LRBA: variants seen among roughly 807,000 people sequenced by gnomAD.
LRBA encodes lipopolysaccharide-responsive and beige-like anchor protein.
LRBA carries 176 observed loss-of-function variants against 330.0 expected under a neutral mutation model. The ratio of observed to expected loss-of-function variants is 0.53; its 90% CI spans 0.47 to 0.60. The LOEUF (loss-of-function observed/expected upper bound fraction) is 0.60. Among genes scored for constraint, LRBA ranks in the 20% least tolerant of loss-of-function variants. LRBA has a pLI of 0.00. For synonymous variants in LRBA, 1,230 were observed against 1,193.0 expected (o/e 1.03, Z -0.64); for missense variants, 3,259 against 3,444.8 (o/e 0.95, Z 1.35).
chr4:150,691,133 T>C, intron 36 of LRBA, among the ~76,000 whole-genome samples: 1 of 151,964 alleles, frequency 6.6e-6, no homozygotes. Flanking sequence ...GGTTTCACCA[T>C]GTTAGCCAGG....
At position 150,806,333 on chromosome 4, in the gene LRBA, G is replaced by A. The variant is rs769678230; in HGVS notation, c.5456C>T (p.Ala1819Val). ...CAAAAGTGTCCGAGAAAGAAAAGGT[G>A]CAAAATCCACAAAAATCTCACGAAG... The part of the protein sequence containing the change: ...PLLREIFVDF[A>V]PFLSRTLLGS... Residue 1819 changes from alanine (A) to valine (V), a missense_variant, in exon 33 of 57, where the codon GCA becomes GTA. Physicochemically the swap from Ala to Val is moderately conservative, Grantham distance 64 (BLOSUM62 0). Coordinates refer to ENST00000651943, the MANE Select transcript of LRBA (RefSeq NM_001364905.1). The A allele has an allele frequency of 7.5e-6, 12 of 1,608,844 alleles. No homozygotes were observed. The highest frequency in any genetic ancestry group is 2.7e-5 in the African/African-American group (2 of 74,594).
Position 150,581,303 on chromosome 4 carries a change from T to C in LRBA, c.6330+6745A>G, listed in dbSNP as rs1360760349. 4 of 441,680 alleles carry C rather than the reference T, an allele frequency of 9.1e-6. No individual in the cohort carries two copies. In the Admixed American group the frequency reaches 9.7e-5, roughly 11 times the overall value. 27.4% of individuals were successfully genotyped at this position (441,680 alleles called of 1,614,324 possible). A position where few individuals can be genotyped will look rare whatever the true frequency, so the allele number is the denominator to read the frequency against. On this transcript the variant is annotated intron_variant, in intron 40 of 56. Transcript: ENST00000651943. ...GCATATCGAAATTACTAAAAAGAGA[T>C]TTATAAACCCTCACCTTATATCCAC...
At chr4:150,505,094 C>A (rs1283621663) in intron 40 of LRBA, among the ~76,000 whole-genome samples, 3 of 152,156 alleles carry the variant, frequency 2.0e-5, no homozygotes, top group African/African-American at 7.2e-5. Flanking sequence ...TAGTGACCTA[C>A]AAAGAGACTT....
intron 47 of LRBA, among the ~76,000 whole-genome samples, chr4:150,377,726 G>T (rs1161959855): frequency 6.6e-6 from 1 of 152,052 alleles, no homozygotes; most frequent in Non-Finnish European, 1.5e-5. Context: ...GGAGCCTGGA[G>T]TCTATCATAC....
intron 40 of LRBA, among the ~76,000 whole-genome samples, chr4:150,514,356 G>A (rs887446198): frequency 2.0e-5 from 3 of 152,182 alleles, no homozygotes; most frequent in African/African-American, 7.2e-5. Context: ...ACAGGTGTGA[G>A]CCACCACATG....
At chr4:150,930,187 C>T (rs1340390593) in intron 2 of LRBA, among the ~76,000 whole-genome samples, 1 of 152,008 alleles carries the variant, frequency 6.6e-6, no homozygotes, top group South Asian at 2.1e-4. Context: ...TGGTGGCATG[C>T]GCCTGTAATC....
chr4:150,819,284 T>C (rs1367409279), intron 30 of LRBA, among the ~76,000 whole-genome samples: 1 of 151,668 alleles, frequency 6.6e-6, no homozygotes, highest in African/African-American at 2.4e-5. Flanking sequence ...GGAACAGGAA[T>C]TGGCTGGGAA....
chr4:150,921,207 C>G lies in LRBA; in HGVS notation c.636G>C (p.Lys212Asn), dbSNP rs1561008385. The change falls in exon 5 of 57, where the codon AAG becomes AAC. Residue 212 changes from lysine to asparagine, a missense_variant. By Grantham distance (94) the Lys-to-Asn change is moderately conservative (BLOSUM62 0). Transcript: ENST00000651943. ...ATTAATATTTACTTACTGCAGCACTCTTTCCTGGAAAGTTAAAAAAGGCAT... is the reference window on the plus strand; with the variant it reads ...ATTAATATTTACTTACTGCAGCACTGTTTCCTGGAAAGTTAAAAAAGGCAT... ...GPDAFFNFPG[K>N]SAAAIALPPI... 3 of 1,606,818 alleles carry G rather than the reference C, an allele frequency of 1.9e-6. No homozygotes were observed. The highest frequency in any genetic ancestry group is 2.6e-6 in the Non-Finnish European group (3 of 1,173,476).
intron 54 of LRBA, 36 bp from the exon 55 acceptor site, chr4:150,282,682 G>GTCTGTTTTCATTCAAT: frequency 7.2e-7 from 1 of 1,392,056 alleles, no homozygotes; most frequent in Non-Finnish European, 1.0e-6. Context: ...CAAAATTATT[G>GTCTGTTTTCATTCAAT]AATGAAAACA....
intron 54 of LRBA, among the ~76,000 whole-genome samples, chr4:150,283,973 T>C (rs1747856843): frequency 6.6e-6 from 1 of 152,202 alleles, no homozygotes; most frequent in African/African-American, 2.4e-5. Context: ...CCATGTAACA[T>C]TTCACAAAAA....
chr4:150,489,041 A>T lies in LRBA; in HGVS notation c.6449-1207T>A, dbSNP rs1304670396. ...ATATATAAGAATATATATTATATAT[A>T]ATATATTATATATAAGAATATATAA... On this transcript the variant is annotated intron_variant, in intron 41 of 56. Transcript: ENST00000651943. Among the ~76,000 whole-genome samples the T allele has an allele frequency of 7.3e-5, 8 of 109,158 alleles. No individual in the cohort carries two copies. In the South Asian group the frequency reaches 2.1e-3, roughly 29 times the overall value. 71.6% of individuals were successfully genotyped at this position (109,158 alleles called of 152,430 possible).
intron 22 of LRBA, among the ~76,000 whole-genome samples, chr4:150,853,919 A>T (rs1015442064): frequency 6.1e-4 from 93 of 152,294 alleles, no homozygotes; most frequent in African/African-American, 2.2e-3. Flanking sequence ...ATATAGAGTA[A>T]ACTGAACATT....
rs1744201595 is a variant in LRBA, at chr4:151,007,400, G to A, written c.216+7027C>T. 2.6e-5 allele frequency among the ~76,000 whole-genome samples: 4 copies of A among 151,946 alleles called. No homozygotes were observed. The South Asian group carries it at 8.3e-4, about 32-fold the overall frequency. On this transcript the variant is annotated intron_variant, in intron 2 of 56. Transcript: ENST00000651943. The stretch of plus-strand genomic sequence containing the variant: ...GGCACCTATAGTCCCAGCTACTTGG[G>A]AGGCTGAGGCAGGAGAATAGTGTGA...
intron 30 of LRBA, among the ~76,000 whole-genome samples, chr4:150,823,575 T>G (rs140593663): frequency 3.8e-4 from 58 of 152,270 alleles, no homozygotes; most frequent in African/African-American, 1.4e-3. Context: ...TGATTTTTTT[T>G]CAGTAGTTTC....
chr4:150,276,408 G>T (rs1353435471), intron 56 of LRBA, among the ~76,000 whole-genome samples: 2 of 151,758 alleles, frequency 1.3e-5, no homozygotes, highest in African/African-American at 4.9e-5. Flanking sequence ...AAAAGCAATG[G>T]CAACAAAAGC....
chr4:150,464,850 A>G (rs1341082712), intron 44 of LRBA, among the ~76,000 whole-genome samples: 1 of 152,044 alleles, frequency 6.6e-6, no homozygotes, highest in Non-Finnish European at 1.5e-5. Context: ...ACTTTTTCAA[A>G]TTGTTTCTAG....
intron 2 of LRBA, among the ~76,000 whole-genome samples, chr4:150,947,287 C>G (rs1192087619): frequency 6.8e-6 from 1 of 147,044 alleles, no homozygotes; most frequent in African/African-American, 2.5e-5. Flanking sequence ...AAATTCTTAA[C>G]AAAAAATTAG....
At chr4:150,639,365 A>AG (rs1164315791) in intron 37 of LRBA, among the ~76,000 whole-genome samples, 1 of 148,174 alleles carries the variant, frequency 6.7e-6, no homozygotes, top group Non-Finnish European at 1.5e-5. Context: ...TATAATAAAA[A>AG]AAAAAAAGAA....
chr4:150,532,962 T>A (rs997103726), intron 40 of LRBA, among the ~76,000 whole-genome samples: 5 of 152,140 alleles, frequency 3.3e-5, no homozygotes, highest in Non-Finnish European at 5.9e-5. Flanking sequence ...GTAAGTGTCT[T>A]CTATCTATTT....
Sources: allele counts gnomAD v4.1 joint callset (sites outside exome capture counted in the v4.1 genomes callset), GRCh38; gene constraint gnomAD v4.1.1; transcripts MANE v1.5; gene names NCBI Gene and HGNC (gene_info 2026-07-23, HGNC 2026-07-21).